PLA2G4E: variants seen among roughly 807,000 people sequenced by gnomAD.
PLA2G4E encodes phospholipase A2 group IVE.
Under a neutral mutation model 109.1 loss-of-function variants are expected in PLA2G4E, and 84 were observed. The observed-to-expected ratio is 0.77, with a 90% CI of 0.65 to 0.92. The LOEUF is 0.92. PLA2G4E is among the 40% of genes least tolerant of loss of function. The pLI is 0.00. For synonymous variants in PLA2G4E, 469 were observed against 436.1 expected, an observed-to-expected ratio of 1.08 and a Z score of -0.94; for missense variants, 1,057 against 1,076.6, an observed-to-expected ratio of 0.98 and a Z score of 0.25.
chr15:42,006,260 G>T, intron 3 of PLA2G4E, 139 bp from the exon 4 acceptor site: 1 of 1,075,382 alleles, frequency 9.3e-7, no homozygotes, highest in Non-Finnish European at 1.3e-6. Context: ...GCTCAGATGT[G>T]ACAGACATTT....
In PLA2G4E at chr15:41,989,282, G is replaced by A. The variant is rs189962375; in HGVS notation, c.1723+133C>T. 4.7e-6 allele frequency: 6 copies of A among 1,283,726 alleles called. No individual in the cohort carries two copies. The African/African-American group carries it at 7.5e-5, about 16-fold the overall frequency. 79.5% of individuals were successfully genotyped at this position (1,283,726 alleles called of 1,614,324 possible). A position where few individuals can be genotyped will look rare whatever the true frequency, so the allele number is the denominator to read the frequency against. ...GCCCCCAGACCAACTCTGGTCCCCA[G>A]TGACTTGGGACCACTCCTAGGATGA... On this transcript the variant is annotated intron_variant, in intron 15 of 19. Coordinates refer to ENST00000399518, the Ensembl canonical transcript of PLA2G4E.
intron 7 of PLA2G4E, 147 bp from the exon 8 acceptor site, chr15:42,000,429 C>A (rs1381240478): frequency 1.3e-6 from 1 of 784,352 alleles, no homozygotes; most frequent in East Asian, 2.7e-5. Context: ...GATTCTCAAT[C>A]TATAGGGTAG....
Position 41,989,433 on chromosome 15 carries a change from G to A in PLA2G4E, c.1705C>T (p.Arg569Ter), listed in dbSNP as rs967050940. 7 of 1,613,884 alleles carry A rather than the reference G, an allele frequency of 4.3e-6. No homozygotes were observed. Among genetic ancestry groups the A allele is most frequent in the Admixed American group, 1.7e-5 (1 of 59,998 alleles). Residue 569 changes from arginine to a stop codon, truncating the protein, a stop_gained, in exon 15 of 20, where the codon CGA (arginine) becomes TGA (stop). Transcript: ENST00000399518. LOFTEE classifies it high-confidence loss of function. ...CAGTCACCTAGCATGTAGCAGATTC[G>A]AGACTCCGGGATCCTCTTCACCAGC...
exon 11 of PLA2G4E, chr15:41,997,205 C>T (rs779362112): frequency 1.7e-5 from 26 of 1,553,166 alleles, no homozygotes; most frequent in South Asian, 1.3e-4. Flanking sequence ...TCTGCAGAAA[C>T]TCCAGCTCTG....
intron 1 of PLA2G4E, among the ~76,000 whole-genome samples, chr15:42,030,387 G>A (rs1889091307): frequency 6.6e-6 from 1 of 152,200 alleles, no homozygotes; most frequent in African/African-American, 2.4e-5. Flanking sequence ...CCAGATCAAT[G>A]CCTATCCCTC....
At chr15:41,983,630 G>A (rs1213383496) in exon 20 of PLA2G4E, 27 of 869,854 alleles carry the variant, frequency 3.1e-5, no homozygotes, top group Non-Finnish European at 4.7e-5. Context: ...AGAAAGCCCA[G>A]GCCAACCTGC....
chr15:42,050,472 A>T, intron 1 of PLA2G4E: 1 of 1,510,888 alleles, frequency 6.6e-7, no homozygotes, highest in Non-Finnish European at 8.9e-7. Flanking sequence ...CAGGAAAGTG[A>T]GGTTAAAATT....
intron 1 of PLA2G4E, among the ~76,000 whole-genome samples, chr15:42,046,545 T>TC (rs1215256784): frequency 6.6e-6 from 1 of 152,174 alleles, no homozygotes; most frequent in Non-Finnish European, 1.5e-5. Context: ...TCTTCTGATG[T>TC]CCCCTCCCTG....
intron 1 of PLA2G4E, among the ~76,000 whole-genome samples, chr15:42,023,570 G>C (rs2068667315): frequency 6.6e-6 from 1 of 152,050 alleles, no homozygotes; most frequent in African/African-American, 2.4e-5. Flanking sequence ...GGCCAGAACA[G>C]GCCATACAAG....
At chr15:42,039,414 T>C (rs922469445) in intron 1 of PLA2G4E, among the ~76,000 whole-genome samples, 3 of 152,164 alleles carry the variant, frequency 2.0e-5, no homozygotes, top group Non-Finnish European at 4.4e-5. Flanking sequence ...TGTACCAATA[T>C]GGAAAAATAC....
At chr15:42,002,786 A>T in intron 5 of PLA2G4E, 90 bp from the exon 6 acceptor site, 1 of 1,189,216 alleles carries the variant, frequency 8.4e-7, no homozygotes, top group South Asian at 1.3e-5. Flanking sequence ...AGGGTCAATA[A>T]CAAAATATCA....
chr15:41,989,274 G>C lies in PLA2G4E; in HGVS notation c.1723+141C>G. 2.5e-6 allele frequency: 3 copies of C among 1,195,388 alleles called. No homozygotes were observed. In the South Asian group the frequency reaches 4.8e-5, roughly 19 times the overall value. 74.0% of individuals were successfully genotyped at this position (1,195,388 alleles called of 1,614,324 possible). A position where few individuals can be genotyped will look rare whatever the true frequency, so the allele number is the denominator to read the frequency against. On this transcript the variant is annotated intron_variant, in intron 15 of 19. Coordinates refer to ENST00000399518, the Ensembl canonical transcript of PLA2G4E. The stretch of plus-strand genomic sequence containing the variant: ...TTGGGAGAGCCCCCAGACCAACTCT[G>C]GTCCCCAGTGACTTGGGACCACTCC...
chr15:42,004,911 TG>T, intron 5 of PLA2G4E, 26 bp downstream of exon 5: 1 of 1,598,742 alleles, frequency 6.3e-7, no homozygotes, highest in Non-Finnish European at 8.5e-7. Context: ...AGGACCTTGG[TG>T]GGCCCCGGGG....
In PLA2G4E at chr15:41,988,169, G is replaced by A. The variant is rs1389381903; in HGVS notation, c.1724-13C>T. ...CTGCTCCACAGGCCTGGGAGCCAGGGCCAGCGTGAGCAGCTCCACCCTGCA... is the reference window on the plus strand; with the variant it reads ...CTGCTCCACAGGCCTGGGAGCCAGGACCAGCGTGAGCAGCTCCACCCTGCA... On this transcript the variant is annotated splice_polypyrimidine_tract_variant and intron_variant, in intron 15 of 19. Transcript: ENST00000399518. The A allele has an allele frequency of 1.3e-6, 2 of 1,563,616 alleles. No homozygotes were observed. The highest frequency in any genetic ancestry group is 1.7e-6 in the Non-Finnish European group (2 of 1,148,964).
At chr15:41,992,820 G>A (rs533179682) in exon 13 of PLA2G4E, 2 of 1,613,948 alleles carry the variant, frequency 1.2e-6, no homozygotes, top group African/African-American at 2.7e-5. Flanking sequence ...CGCTGCCGGA[G>A]CTCCTCCTGG....
chr15:42,033,410 A>G (rs16972496), intron 1 of PLA2G4E, among the ~76,000 whole-genome samples: 31,814 of 152,048 alleles, frequency 0.21, 3,537 homozygotes, highest in South Asian at 0.36. Context: ...AAGAATTTTC[A>G]CTGAGGAAAC....
chr15:42,027,864 C>G (rs2068705731), intron 1 of PLA2G4E, among the ~76,000 whole-genome samples: 1 of 67,480 alleles, frequency 1.5e-5, no homozygotes, highest in African/African-American at 5.5e-5. Context: ...TGGCAGCCCT[C>G]CTGGGCCACC....
chr15:41,990,128 G>A, exon 14 of PLA2G4E: 1 of 1,612,934 alleles, frequency 6.2e-7, no homozygotes, highest in Non-Finnish European at 8.5e-7. Flanking sequence ...TACCTCTGAA[G>A]TCCTGGTTGC....
intron 16 of PLA2G4E, 32 bp downstream of exon 16, chr15:41,988,017 C>T (rs2068174529): frequency 6.6e-7 from 1 of 1,525,752 alleles, no homozygotes; most frequent in East Asian, 2.4e-5. Flanking sequence ...TCACCCATCA[C>T]CCAGCCATGA....
Sources: allele counts gnomAD v4.1 joint callset (sites outside exome capture counted in the v4.1 genomes callset), GRCh38; gene constraint gnomAD v4.1.1; transcripts MANE v1.5; gene names NCBI Gene and HGNC (gene_info 2026-07-23, HGNC 2026-07-21).